Variants in PARD3B observed in about 807,000 individuals in gnomAD.
The protein encoded by PARD3B is par-3 family cell polarity regulator beta.
In PARD3B, 103 loss-of-function variants were observed where a neutral mutation model predicts 130.2. The observed-to-expected ratio is 0.79, with a 90% CI of 0.67 to 0.93. The LOEUF is 0.93. Among genes scored for constraint, PARD3B ranks in the 40% least tolerant of loss-of-function variants. The pLI is 0.00. For synonymous variants in PARD3B, 583 were observed against 553.2 expected (o/e 1.05, Z -0.76); for missense variants, 1,609 against 1,499.2 (o/e 1.07, Z -1.21).
intron 2 of PARD3B, among the ~76,000 whole-genome samples, chr2:204,864,824 T>C (rs144592948): frequency 6.6e-6 from 1 of 152,160 alleles, no homozygotes; most frequent in Admixed American, 6.6e-5. Context: ...AGTGCTTTGA[T>C]AGATTACTGG....
chr2:205,607,142 A>C (rs1025911132), intron 22 of PARD3B, among the ~76,000 whole-genome samples: 2 of 152,190 alleles, frequency 1.3e-5, no homozygotes, highest in Non-Finnish European at 2.9e-5. Context: ...AAGGTCTCTG[A>C]ATGAAACTTC....
chr2:205,184,744 A>AAAT (rs960696876), intron 13 of PARD3B, among the ~76,000 whole-genome samples: 1 of 151,652 alleles, frequency 6.6e-6, no homozygotes, highest in South Asian at 2.1e-4. Context: ...TCCATCTCAA[A>AAAT]AATAATAATA....
At chr2:204,725,340 T>C (rs941626537) in intron 2 of PARD3B, among the ~76,000 whole-genome samples, 1 of 152,176 alleles carries the variant, frequency 6.6e-6, no homozygotes, top group African/African-American at 2.4e-5. Flanking sequence ...GCTTTGAACA[T>C]GTAGGTGAAA....
At chr2:205,427,967 C>A (rs969743802) in intron 19 of PARD3B, among the ~76,000 whole-genome samples, 1 of 152,116 alleles carries the variant, frequency 6.6e-6, no homozygotes, top group African/African-American at 2.4e-5. Flanking sequence ...TTTTCGCCAT[C>A]CCCCCAACTC....
intron 2 of PARD3B, among the ~76,000 whole-genome samples, chr2:204,872,242 C>T (rs1333906600): frequency 6.6e-6 from 1 of 151,840 alleles, no homozygotes; most frequent in Non-Finnish European, 1.5e-5. Context: ...TTTATACATA[C>T]ACATTTTATA....
At chr2:204,642,855 T>G (rs1419699237) in intron 1 of PARD3B, among the ~76,000 whole-genome samples, 1 of 151,434 alleles carries the variant, frequency 6.6e-6, no homozygotes, top group East Asian at 2.0e-4. Context: ...GGCTCACACC[T>G]GTAATCCCAG....
chr2:205,196,556 T>A (rs2036693409), intron 15 of PARD3B, among the ~76,000 whole-genome samples: 1 of 152,192 alleles, frequency 6.6e-6, no homozygotes, highest in South Asian at 2.1e-4. Flanking sequence ...TTTCATCATT[T>A]CTTCTTTTGT....
Position 204,778,021 on chromosome 2 carries a change from A to C in PARD3B, c.222+91739A>C, listed in dbSNP as rs1448218742. On this transcript the variant is annotated intron_variant, in intron 2 of 22. Coordinates refer to ENST00000406610, the MANE Select transcript of PARD3B (RefSeq NM_001302769.2). ...CTACTTCCCCTTCAGCCATGATTGT[A>C]AGTTTCCTGAGGCCTCCCTAGCCAT... Among the ~76,000 whole-genome samples, 4 of 151,974 alleles carry C rather than the reference A, an allele frequency of 2.6e-5. No homozygotes were observed. In the East Asian group the frequency reaches 7.7e-4, roughly 29 times the overall value.
chr2:205,141,184 G>A (rs1452761745), intron 10 of PARD3B, among the ~76,000 whole-genome samples: 1 of 152,160 alleles, frequency 6.6e-6, no homozygotes, highest in African/African-American at 2.4e-5. Context: ...ATGTGCAACG[G>A]TTTTGAAAGG....
intron 4 of PARD3B, among the ~76,000 whole-genome samples, chr2:205,052,438 T>TAC (rs1699274735): frequency 3.6e-5 from 2 of 55,378 alleles, no homozygotes; most frequent in Admixed American, 2.0e-4. Context: ...TATATATATA[T>TAC]ATATATATAT....
At chr2:205,499,648 T>C (rs2050083600) in intron 20 of PARD3B, among the ~76,000 whole-genome samples, 1 of 152,176 alleles carries the variant, frequency 6.6e-6, no homozygotes, top group South Asian at 2.1e-4. Flanking sequence ...AGACTCTATC[T>C]TACCTTCTCA....
At chr2:205,401,564 T>TA (rs2046253079) in intron 19 of PARD3B, among the ~76,000 whole-genome samples, 1 of 152,188 alleles carries the variant, frequency 6.6e-6, no homozygotes, top group African/African-American at 2.4e-5. Flanking sequence ...CTTCATTCTT[T>TA]AAAAAGACAC....
chr2:205,288,208 C>T lies in PARD3B; in HGVS notation c.2186-12322C>T, dbSNP rs1225272524. On this transcript the variant is annotated intron_variant, in intron 16 of 22. Coordinates refer to ENST00000406610, the MANE Select transcript of PARD3B (RefSeq NM_001302769.2). The surrounding 1 kb of genome is among the most constrained non-coding windows in gnomAD (Gnocchi z 4.0). ...GGCAGTGCCCCCTGTCCCGTCCACC[C>T]AGACACATAACCCTGAGCACCTCCT... Among the ~76,000 whole-genome samples, 2 of 152,104 alleles carry T rather than the reference C, an allele frequency of 1.3e-5. No homozygotes were observed. Among genetic ancestry groups the T allele is most frequent in the Non-Finnish European group, 2.9e-5 (2 of 68,014 alleles).
intron 11 of PARD3B, among the ~76,000 whole-genome samples, chr2:205,167,341 C>T (rs1438078973): frequency 6.6e-6 from 1 of 151,900 alleles, no homozygotes; most frequent in Non-Finnish European, 1.5e-5. Context: ...CCCAAATGTA[C>T]AATTGTGGAA....
chr2:205,006,095 G>A (rs1185430860), intron 3 of PARD3B, among the ~76,000 whole-genome samples: 2 of 152,170 alleles, frequency 1.3e-5, no homozygotes, highest in African/African-American at 4.8e-5. Flanking sequence ...ACTTCACTTA[G>A]AATAATGCCC....
chr2:204,797,688 A>T (rs1239664218), intron 2 of PARD3B, among the ~76,000 whole-genome samples: 1 of 152,240 alleles, frequency 6.6e-6, no homozygotes, highest in Non-Finnish European at 1.5e-5. Flanking sequence ...TATTTTATAT[A>T]AACATATTGA....
chr2:205,197,331 C>G (rs993594596), intron 15 of PARD3B, among the ~76,000 whole-genome samples: 3 of 151,644 alleles, frequency 2.0e-5, no homozygotes, highest in Non-Finnish European at 4.4e-5. Context: ...AATAGATTCC[C>G]CAATATTAAA....
chr2:204,778,744 G>A (rs962846253), intron 2 of PARD3B, among the ~76,000 whole-genome samples: 1 of 152,074 alleles, frequency 6.6e-6, no homozygotes, highest in Non-Finnish European at 1.5e-5. Flanking sequence ...GCTAGTCCAA[G>A]CTGCCATCTC....
chr2:205,612,940 C>A (rs1160332758), intron 22 of PARD3B, among the ~76,000 whole-genome samples: 1 of 152,168 alleles, frequency 6.6e-6, no homozygotes, highest in Non-Finnish European at 1.5e-5. Context: ...GACTGTCCCC[C>A]CATGTGCTCG....
Sources: gnomAD v4.1 joint callset for allele counts (sites outside exome capture counted in the v4.1 genomes callset) on GRCh38, gnomAD v4.1.1 for gene constraint, Gnocchi (gnomAD v3.1) non-coding constraint, MANE v1.5 for transcripts, NCBI Gene and HGNC (gene_info 2026-07-23, HGNC 2026-07-21) for gene names.